The following MRPS18C variants were observed in gnomAD, a reference collection of about 807,000 sequenced individuals.
The protein encoded by MRPS18C is mitochondrial ribosomal protein S18C.
In MRPS18C, 21 loss-of-function variants were observed where a neutral mutation model predicts 21.0. The ratio of observed to expected loss-of-function variants is 1.00; its 90% CI spans 0.71 to 1.44. The LOEUF (loss-of-function observed/expected upper bound fraction) is 1.44, where lower values mean the gene tolerates loss of function less well. Among genes scored for constraint, MRPS18C ranks in the 40% most tolerant of loss-of-function variants. The pLI is 0.00. For synonymous variants in MRPS18C, 65 were observed against 54.3 expected (o/e 1.20, Z -0.87); for missense variants, 152 against 171.5 (o/e 0.89, Z 0.64).
At chr4:83,459,684 T>TTA (rs1722004833) in intron 3 of MRPS18C, 56 bp from the exon 4 acceptor site, 1 of 1,495,618 alleles carries the variant, frequency 6.7e-7, no homozygotes, top group Non-Finnish European at 9.2e-7. Flanking sequence ...AATTTACACA[T>TTA]TCAGAAATAA....
In MRPS18C at chr4:83,461,337, C is replaced by T; in HGVS notation, c.*140C>T. The T allele has an allele frequency of 1.5e-6, 1 of 664,028 alleles. No individual in the cohort carries two copies. The highest frequency in any genetic ancestry group is 2.7e-6 in the Non-Finnish European group (1 of 374,730). The allele number at this position is 664,028 out of a possible 1,614,324, so 41.1% of individuals were successfully genotyped here. A position where few individuals can be genotyped will look rare whatever the true frequency, so the allele number is the denominator to read the frequency against. ...GACACTTCCCCTTCATACCAATGTCCATTAAGCAGATTGCTTATTTAAAAT... is the reference window on the plus strand; with the variant it reads ...GACACTTCCCCTTCATACCAATGTCTATTAAGCAGATTGCTTATTTAAAAT... On this transcript the variant is annotated 3_prime_UTR_variant, in exon 6 of 6. Coordinates refer to ENST00000295491, the MANE Select transcript of MRPS18C (RefSeq NM_016067.4).
At chr4:83,457,252 G>T in intron 2 of MRPS18C, 2 of 275,534 alleles carry the variant, frequency 7.3e-6, no homozygotes, top group Non-Finnish European at 1.3e-5. Context: ...TATGTGATTT[G>T]GGAATTGTTT....
intron 2 of MRPS18C, chr4:83,457,615 C>T (rs2110026786): frequency 6.6e-6 from 1 of 152,342 alleles, no homozygotes; most frequent in South Asian, 2.1e-4. Flanking sequence ...AGTAAAGGGA[C>T]ATTATTTCTT....
At chr4:83,457,259 G>GTTT in intron 2 of MRPS18C, 8 of 190,950 alleles carry the variant, frequency 4.2e-5, no homozygotes, top group South Asian at 1.3e-4. Flanking sequence ...TTTGGGAATT[G>GTTT]TTTTTTTTTT....
At chr4:83,457,633 T>A (rs1484361625) in intron 2 of MRPS18C, 1 of 152,272 alleles carries the variant, frequency 6.6e-6, no homozygotes, top group Non-Finnish European at 1.5e-5. Flanking sequence ...CTTTTTTAGT[T>A]CATAAATCCC....
In MRPS18C at chr4:83,456,094, C is replaced by T. The variant is rs764146398; in HGVS notation, c.17C>T (p.Ala6Val). ...CGCGGAACCATGGCCGCTGTGGTTG[C>T]TGTTTGCGGTGGTCTAGGGAGGAAG... MAAVV[A>V]VCGGLGRKKL... Residue 6 changes from alanine (A) to valine (V), a missense_variant, in exon 1 of 6, where the codon GCT (alanine) becomes GTT (valine). This residue lies in a region of MRPS18C where 118 missense variants were observed against 104.4 expected (regional missense o/e 1.13). Coordinates refer to ENST00000295491, the MANE Select transcript of MRPS18C (RefSeq NM_016067.4). 5 of 1,612,586 alleles carry T rather than the reference C, an allele frequency of 3.1e-6. No individual in the cohort carries two copies. The African/African-American group carries it at 4.0e-5, about 13-fold the overall frequency.
chr4:83,456,140 G>C lies in MRPS18C; in HGVS notation c.63G>C (p.Thr21=), dbSNP rs747533732. The C allele has an allele frequency of 6.2e-7, 1 of 1,613,742 alleles. No homozygotes were observed. Among genetic ancestry groups the C allele is most frequent in the South Asian group, 1.1e-5 (1 of 91,054 alleles). ...LGRKKLTHLV[T]AAVSLTHPGT... Reference sequence around the variant, plus strand: ...GGAAGAAGTTGACACACTTGGTAACGGCTGCTGTCAGCCTTACACATCCCG... The same window carrying C: ...GGAAGAAGTTGACACACTTGGTAACCGCTGCTGTCAGCCTTACACATCCCG... Residue 21 remains threonine (T), a synonymous_variant, in exon 1 of 6, where the codon ACG becomes ACC. Coordinates refer to ENST00000295491, the MANE Select transcript of MRPS18C (RefSeq NM_016067.4).
intron 3 of MRPS18C, 54 bp from the exon 4 acceptor site, chr4:83,459,686 C>A: frequency 6.7e-7 from 1 of 1,497,304 alleles, no homozygotes; most frequent in South Asian, 1.2e-5. Flanking sequence ...TTTACACATT[C>A]AGAAATAAAT....
intron 2 of MRPS18C, 77 bp downstream of exon 2, chr4:83,457,035 T>A: frequency 8.3e-7 from 1 of 1,210,556 alleles, no homozygotes; most frequent in Non-Finnish European, 1.2e-6. Context: ...CGAGATCTGG[T>A]ATTAGACTCT....
intron 4 of MRPS18C, 107 bp from the exon 5 acceptor site, chr4:83,460,866 A>C: frequency 1.1e-6 from 1 of 901,742 alleles, no homozygotes; most frequent in Non-Finnish European, 1.7e-6. Flanking sequence ...AGAGAGCACC[A>C]CTGTACTCCA....
At chr4:83,458,614 G>A (rs1206017957) in intron 3 of MRPS18C, 185 bp downstream of exon 3, 1 of 452,618 alleles carries the variant, frequency 2.2e-6, no homozygotes, top group Non-Finnish European at 3.8e-6. Flanking sequence ...AAAGCACCTT[G>A]GCTTTCCCCC....
intron 3 of MRPS18C, chr4:83,459,495 C>G (rs532576585): frequency 1.7e-4 from 62 of 359,198 alleles, no homozygotes; most frequent in Non-Finnish European, 2.9e-4. Flanking sequence ...GTCAAGAAAA[C>G]AGATTTACCA....
intron 3 of MRPS18C, 140 bp from the exon 4 acceptor site, chr4:83,459,599 TA>T: frequency 1.5e-6 from 1 of 675,534 alleles, no homozygotes; most frequent in Non-Finnish European, 2.5e-6. Context: ...AGGATAACAA[TA>T]TTTTTTTCTT....
intron 2 of MRPS18C, chr4:83,458,001 C>A: frequency 4.2e-6 from 1 of 236,986 alleles, no homozygotes; most frequent in Non-Finnish European, 8.1e-6. Flanking sequence ...AGGGATTGTA[C>A]TCATTTAAGA....
chr4:83,456,777 A>G (rs921637493), intron 1 of MRPS18C, 132 bp from the exon 2 acceptor site: 1 of 857,516 alleles, frequency 1.2e-6, no homozygotes. Flanking sequence ...GTTTTTAACC[A>G]TTCTGAATAT....
At position 83,461,841 on chromosome 4, in the gene MRPS18C, ATAAT is replaced by A. The variant is rs374979187; in HGVS notation, c.*648_*651del. ...GTTTGTGTTGTGTTATAGTTGTGTAATAATTAAGGCTGCCAGATTTAGCAAGTAC... is the reference window on the plus strand; with the variant it reads ...GTTTGTGTTGTGTTATAGTTGTGTAATAAGGCTGCCAGATTTAGCAAGTAC... On this transcript the variant is annotated 3_prime_UTR_variant, in exon 6 of 6. Coordinates refer to ENST00000295491, the MANE Select transcript of MRPS18C (RefSeq NM_016067.4). 40 of 228,190 alleles carry A rather than the reference ATAAT, an allele frequency of 1.8e-4. No individual in the cohort carries two copies. The highest frequency in any genetic ancestry group is 6.9e-4 in the African/African-American group (31 of 45,224). The allele number at this position is 228,190 out of a possible 1,614,324, so 14.1% of individuals were successfully genotyped here.
At position 83,456,165 on chromosome 4, in the gene MRPS18C, G is replaced by T. The variant is rs557755042; in HGVS notation, c.88G>T (p.Gly30Trp). ...VTAAVSLTHP[G>W]THTVLWRRGC... is the part of the protein sequence containing the mutation. ...GGCTGCTGTCAGCCTTACACATCCC[G>T]GGACTCACACGGGTAAAGTCTCCAT... The change falls in exon 1 of 6, where the codon GGG (glycine) becomes TGG (tryptophan). Residue 30 changes from glycine to tryptophan, a missense_variant. Around this residue, in one of 2 missense-constraint regions of MRPS18C, gnomAD observed 118 missense variants for 104.4 expected, o/e 1.13. Transcript: ENST00000295491. The T allele has an allele frequency of 6.2e-7, 1 of 1,613,704 alleles. No individual in the cohort carries two copies. Among genetic ancestry groups the T allele is most frequent in the Admixed American group, 1.7e-5 (1 of 59,992 alleles).
At chr4:83,458,119 T>C (rs974479395) in intron 2 of MRPS18C, 27 of 413,592 alleles carry the variant, frequency 6.5e-5, no homozygotes, top group African/African-American at 5.3e-4. Flanking sequence ...GACATCATTT[T>C]TGTTCTGCCA....
At chr4:83,458,179 C>A in intron 2 of MRPS18C, 167 bp from the exon 3 acceptor site, 1 of 523,082 alleles carries the variant, frequency 1.9e-6, no homozygotes. Context: ...TCTTCCCATG[C>A]GTTAATCCGT....
Sources: allele counts gnomAD v4.1 joint callset, GRCh38; gene constraint gnomAD v4.1.1; regional missense constraint gnomAD v4.1.1; transcripts MANE v1.5; gene names NCBI Gene and HGNC (gene_info 2026-07-23, HGNC 2026-07-21).